Variants in ESRRB observed in about 807,000 individuals in gnomAD.
ESRRB encodes estrogen related receptor beta.
A neutral mutation model predicts 46.0 loss-of-function variants in ESRRB; 16 were observed. That is an observed-to-expected ratio of 0.35 (90% CI 0.24 to 0.53). ESRRB has a LOEUF of 0.53. Ranked by LOEUF, ESRRB falls within the 20% of genes least tolerant of loss-of-function variation. The pLI, the probability that ESRRB is intolerant of heterozygous loss-of-function variation, is 0.93. For missense variants in ESRRB, 488 were observed against 607.4 expected, an observed-to-expected ratio of 0.80 and a Z score of 2.07; for synonymous variants, 246 against 259.6, an observed-to-expected ratio of 0.95 and a Z score of 0.50.
chr14:76,429,849 ATGTG>A (rs58340334), intron 1 of ESRRB, among the ~76,000 whole-genome samples: 5 of 150,182 alleles, frequency 3.3e-5, no homozygotes, highest in Admixed American at 1.3e-4. Context: ...TTTAAGTTTT[ATGTG>A]TGTGTGTGTG....
At chr14:76,348,324 A>G (rs924211250) in intron 1 of ESRRB, among the ~76,000 whole-genome samples, 18 of 152,192 alleles carry the variant, frequency 1.2e-4, no homozygotes, top group African/African-American at 3.6e-4. Flanking sequence ...GTTAGTTTCC[A>G]TAGACTTGCA....
intron 1 of ESRRB, among the ~76,000 whole-genome samples, chr14:76,384,373 C>T (rs1031037037): frequency 5.3e-5 from 8 of 152,124 alleles, no homozygotes; most frequent in African/African-American, 1.9e-4. Flanking sequence ...AACCATTTTT[C>T]TCATAGTAGC....
At chr14:76,473,987 C>T (rs1345862970) in intron 3 of ESRRB, among the ~76,000 whole-genome samples, 3 of 152,182 alleles carry the variant, frequency 2.0e-5, no homozygotes, top group East Asian at 1.9e-4. Context: ...AGCCTGGTGA[C>T]GAGGCCGGTG....
intron 1 of ESRRB, among the ~76,000 whole-genome samples, chr14:76,431,794 G>A (rs2139913935): frequency 6.6e-6 from 1 of 152,256 alleles, no homozygotes; most frequent in East Asian, 1.9e-4. Context: ...CGATCCAGTG[G>A]GGAACTGGGT....
intron 3 of ESRRB, among the ~76,000 whole-genome samples, chr14:76,472,511 G>A (rs1595153043): frequency 6.6e-6 from 1 of 152,378 alleles, no homozygotes; most frequent in African/African-American, 2.4e-5. Context: ...GAAGTCAGGT[G>A]TGAGGCACTC....
rs772615791 is a variant in ESRRB at position 76,439,483 on chromosome 14, G to T, written c.193G>T (p.Gly65Cys). ...SPSGSSDASG[G>C]FGLALGTHAN... Reference sequence around the variant, plus strand: ...CAGTGGCTCGTCCGACGCCAGCGGCGGCTTTGGCCTGGCCCTGGGCACCCA... The same window carrying T: ...CAGTGGCTCGTCCGACGCCAGCGGCTGCTTTGGCCTGGCCCTGGGCACCCA... The change falls in exon 2 of 7, where the codon GGC becomes TGC. Residue 65 changes from glycine to cysteine, a missense_variant. Transcript: ENST00000644823. The T allele has an allele frequency of 6.9e-5, 111 of 1,612,260 alleles. No homozygotes were observed. The highest frequency in any genetic ancestry group is 9.0e-5 in the Non-Finnish European group (106 of 1,179,778).
At chr14:76,450,484 AG>A (rs1186812897) in intron 2 of ESRRB, among the ~76,000 whole-genome samples, 1 of 152,140 alleles carries the variant, frequency 6.6e-6, no homozygotes, top group Non-Finnish European at 1.5e-5. Flanking sequence ...TTGAGTTCCC[AG>A]GGTAGATGGC....
intron 1 of ESRRB, among the ~76,000 whole-genome samples, chr14:76,348,950 C>G (rs1343886673): frequency 1.3e-5 from 2 of 152,158 alleles, no homozygotes; most frequent in African/African-American, 4.8e-5. Context: ...CACACCTACC[C>G]TGTGGGATGC....
chr14:76,376,284 G>C lies in ESRRB; in HGVS notation c.-118G>C, dbSNP rs1247280511. On this transcript the variant is annotated 5_prime_UTR_variant, in exon 1 of 7. Coordinates refer to ENST00000644823, the MANE Select transcript of ESRRB (RefSeq NM_001379180.1). The surrounding 1 kb of genome is among the most constrained non-coding windows in gnomAD (Gnocchi z 4.1). ...CCGCGGCCGCCTCCTCCCACTCTGC[G>C]TTCTCGCGCTCACTGTGCCCTGCCC... 2.6e-6 allele frequency: 2 copies of C among 764,522 alleles called. No individual in the cohort carries two copies. Among genetic ancestry groups the C allele is most frequent in the Admixed American group, 8.7e-5 (2 of 23,102 alleles). The allele number at this position is 764,522 out of a possible 1,614,324, so 47.4% of individuals were successfully genotyped here.
intron 1 of ESRRB, among the ~76,000 whole-genome samples, chr14:76,344,575 G>A (rs1015932178): frequency 6.6e-6 from 1 of 152,194 alleles, no homozygotes; most frequent in Non-Finnish European, 1.5e-5. Flanking sequence ...TCCAGGCTGG[G>A]CGTGGTGGCT....
intron 1 of ESRRB, among the ~76,000 whole-genome samples, chr14:76,359,923 T>C (rs1334090583): frequency 1.3e-5 from 2 of 152,208 alleles, no homozygotes; most frequent in African/African-American, 4.8e-5. Flanking sequence ...GTATCTGTTA[T>C]GTCTGGGCAG....
At chr14:76,390,585 T>C (rs533661435) in intron 1 of ESRRB, among the ~76,000 whole-genome samples, 4 of 152,348 alleles carry the variant, frequency 2.6e-5, no homozygotes, top group Non-Finnish European at 4.4e-5. Flanking sequence ...TAGTTCTTTT[T>C]AGTATTTCTT....
chr14:76,381,759 C>T (rs1417340005), intron 1 of ESRRB, among the ~76,000 whole-genome samples: 1 of 152,156 alleles, frequency 6.6e-6, no homozygotes, highest in African/African-American at 2.4e-5. Flanking sequence ...GGACTCTGAG[C>T]AGGTGTTCCA....
chr14:76,425,074 A>G (rs542034410), intron 1 of ESRRB, among the ~76,000 whole-genome samples: 21 of 152,214 alleles, frequency 1.4e-4, no homozygotes, highest in Non-Finnish European at 2.5e-4. Flanking sequence ...AGAAGAGAAG[A>G]CAGAGCAGAT....
chr14:76,472,129 C>T (rs1039662489), intron 3 of ESRRB, among the ~76,000 whole-genome samples: 4 of 152,102 alleles, frequency 2.6e-5, no homozygotes, highest in Admixed American at 2.0e-4. Context: ...ACGGTTGATG[C>T]CTTGGCCAGT....
At chr14:76,421,928 C>T (rs573041893) in intron 1 of ESRRB, among the ~76,000 whole-genome samples, 1 of 152,292 alleles carries the variant, frequency 6.6e-6, no homozygotes, top group South Asian at 2.1e-4. Flanking sequence ...CAGCATCTTG[C>T]AGGATGAAGG....
intron 3 of ESRRB, among the ~76,000 whole-genome samples, chr14:76,470,360 C>G (rs1889331544): frequency 6.6e-6 from 1 of 152,192 alleles, no homozygotes; most frequent in African/African-American, 2.4e-5. Flanking sequence ...CCGCTCATTT[C>G]TTACATAACA....
At chr14:76,315,172 A>G (rs904023304) in intron 1 of ESRRB, among the ~76,000 whole-genome samples, 2 of 152,004 alleles carry the variant, frequency 1.3e-5, no homozygotes, top group East Asian at 1.9e-4. Flanking sequence ...GGTGGCATCT[A>G]TAACACGTCT....
chr14:76,337,426 C>T (rs533198864), intron 1 of ESRRB, among the ~76,000 whole-genome samples: 15 of 152,130 alleles, frequency 9.9e-5, no homozygotes, highest in Non-Finnish European at 1.6e-4. Context: ...CAACTCCTGC[C>T]TCCAGATCAA....
Sources: allele counts gnomAD v4.1 joint callset (sites outside exome capture counted in the v4.1 genomes callset), GRCh38; gene constraint gnomAD v4.1.1; non-coding constraint Gnocchi (gnomAD v3.1); transcripts MANE v1.5; gene names NCBI Gene and HGNC (gene_info 2026-07-23, HGNC 2026-07-21).